Variants in ACSBG1 observed in about 807,000 individuals in gnomAD.
The protein encoded by ACSBG1 is acyl-CoA synthetase bubblegum family member 1, also known as long-chain-fatty-acid--CoA ligase ACSBG1.
Under a neutral mutation model 80.2 loss-of-function variants are expected in ACSBG1, and 39 were observed. That is an observed-to-expected ratio of 0.49 (90% CI 0.38 to 0.64). The LOEUF is 0.64. Among genes scored for constraint, ACSBG1 ranks in the 30% least tolerant of loss-of-function variants. The probability of loss-of-function intolerance (pLI) is 0.00; values close to 1 mark genes in which losing one functional copy is unlikely to be tolerated. For missense variants in ACSBG1, 828 were observed against 966.4 expected (o/e 0.86, Z 1.90); for synonymous variants, 392 against 379.5 (o/e 1.03, Z -0.38).
chr15:78,190,584 A>C (rs4886562), intron 5 of ACSBG1, among the ~76,000 whole-genome samples: 1 of 151,252 alleles, frequency 6.6e-6, no homozygotes, highest in Non-Finnish European at 1.5e-5. Flanking sequence ...AAAAAAAAAG[A>C]AAAAAGAAAG....
At chr15:78,185,963 C>T (rs1386657155) in intron 5 of ACSBG1, among the ~76,000 whole-genome samples, 1 of 151,998 alleles carries the variant, frequency 6.6e-6, no homozygotes, top group African/African-American at 2.4e-5. Context: ...CAGACAAAGA[C>T]AAGCTGAAAG....
chr15:78,203,222 C>A (rs1226438259), intron 2 of ACSBG1, among the ~76,000 whole-genome samples: 3 of 152,162 alleles, frequency 2.0e-5, no homozygotes, highest in Non-Finnish European at 4.4e-5. Context: ...AAGATCAGTG[C>A]AACCATCAGC....
chr15:78,212,826 G>A (rs1313052966), intron 1 of ACSBG1: 2 of 287,736 alleles, frequency 7.0e-6, no homozygotes, highest in South Asian at 3.0e-5. Flanking sequence ...CCTGGGGTGG[G>A]ACACCCTGCT....
rs772527054 is a variant in ACSBG1 at position 78,234,426 on chromosome 15, G to T, written c.76C>A (p.Gln26Lys). The change falls in exon 1 of 14, where the codon CAG becomes AAG. Residue 26 changes from glutamine to lysine, a missense_variant. Physicochemically the swap from Gln to Lys is moderately conservative, Grantham distance 53. This residue lies in a region of ACSBG1 where 356 missense variants were observed against 363.5 expected (regional missense o/e 0.98). Coordinates refer to ENST00000258873, the MANE Select transcript of ACSBG1 (RefSeq NM_015162.5). Reference sequence around the variant, plus strand: ...ACAATCATGTCCTGCCGGCTCTCCTGTGGGGTCTCTCTGCTGTCCAGCATG... The same window carrying T: ...ACAATCATGTCCTGCCGGCTCTCCTTTGGGGTCTCTCTGCTGTCCAGCATG... Reference protein sequence around the residue: ...PSMLDSRETPQESRQDMIVRT... With the variant: ...PSMLDSRETPKESRQDMIVRT... The T allele has an allele frequency of 6.2e-7, 1 of 1,613,118 alleles. No homozygotes were observed. The highest frequency in any genetic ancestry group is 1.1e-5 in the South Asian group (1 of 91,086).
chr15:78,194,480 G>C (rs1331257720), intron 3 of ACSBG1, 26 bp downstream of exon 3: 1 of 1,611,338 alleles, frequency 6.2e-7, no homozygotes, highest in African/African-American at 1.3e-5. Context: ...GGAGGGGCAA[G>C]GCCTTGCCAT....
intron 2 of ACSBG1, among the ~76,000 whole-genome samples, chr15:78,195,777 C>T (rs776689826): frequency 7.9e-5 from 12 of 152,114 alleles, no homozygotes; most frequent in Admixed American, 7.9e-4. Context: ...GTGGTGGTTC[C>T]ATGATGATGG....
chr15:78,187,463 A>G (rs2075015429), intron 5 of ACSBG1, among the ~76,000 whole-genome samples: 1 of 152,200 alleles, frequency 6.6e-6, no homozygotes, highest in Admixed American at 6.5e-5. Flanking sequence ...GCACATCAAA[A>G]AGCTTATCCA....
At position 78,174,790 on chromosome 15, in the gene ACSBG1, T is replaced by C. The variant is rs1233592903; in HGVS notation, c.1703-266A>G. 3 of 496,290 alleles carry C rather than the reference T, an allele frequency of 6.0e-6. No individual in the cohort carries two copies. The East Asian group carries it at 1.1e-4, about 19-fold the overall frequency. 30.7% of individuals were successfully genotyped at this position (496,290 alleles called of 1,614,324 possible). A position where few individuals can be genotyped will look rare whatever the true frequency, so the allele number is the denominator to read the frequency against. ...TCAGCCTGCTCAGACATCTCATCCA[T>C]GGCCCCCTTCTGCCAGTCCCAGTTC... On this transcript the variant is annotated intron_variant, in intron 11 of 13. Coordinates refer to ENST00000258873, the MANE Select transcript of ACSBG1 (RefSeq NM_015162.5).
rs1246233942 is a variant in ACSBG1 at position 78,168,417 on chromosome 15, A to G, written c.*3027T>C. On this transcript the variant is annotated 3_prime_UTR_variant, in exon 14 of 14. Transcript: ENST00000258873. ...GGCAGGAGAATCGCTTGAACCCAGG[A>G]GGCAGAGGTTGTGGTGAGCTGGGAT... The G allele has an allele frequency of 6.6e-6, 1 of 152,142 alleles. No individual in the cohort carries two copies. Among genetic ancestry groups the G allele is most frequent in the Non-Finnish European group, 1.5e-5 (1 of 68,048 alleles). 9.4% of individuals were successfully genotyped at this position (152,142 alleles called of 1,614,324 possible). A position where few individuals can be genotyped will look rare whatever the true frequency, so the allele number is the denominator to read the frequency against.
At position 78,207,906 on chromosome 15, in the gene ACSBG1, C is replaced by G. The variant is rs184102570; in HGVS notation, c.232+96G>C. ...TCCCCAGCTGCTCCTTCCCGCAGTT[C>G]TGTGTGGTGGTCCCCCACACCACCC... is the stretch of plus-strand genomic sequence containing the variant. On this transcript the variant is annotated intron_variant, in intron 2 of 13. Coordinates refer to ENST00000258873, the MANE Select transcript of ACSBG1 (RefSeq NM_015162.5). 1.2e-4 allele frequency: 114 copies of G among 932,286 alleles called. 1 individual carries two copies. Among genetic ancestry groups the G allele is most frequent in the South Asian group, 4.1e-4 (28 of 67,480 alleles). The allele number at this position is 932,286 out of a possible 1,614,324, so 57.8% of individuals were successfully genotyped here.
Position 78,182,632 on chromosome 15 carries a change from G to A in ACSBG1, c.745-17C>T, listed in dbSNP as rs1567081814. On this transcript the variant is annotated splice_polypyrimidine_tract_variant and intron_variant, in intron 6 of 13. Coordinates refer to ENST00000258873, the MANE Select transcript of ACSBG1 (RefSeq NM_015162.5). ...TTCCTCCATCTGTAGCCAGATGCAG[G>A]GAGCAGGCAGGCTAGGTCAGCTGGG... 1 of 1,613,842 alleles carries A rather than the reference G, an allele frequency of 6.2e-7. No homozygotes were observed.
intron 5 of ACSBG1, among the ~76,000 whole-genome samples, chr15:78,184,729 G>GAGTA (rs1167318873): frequency 6.6e-6 from 1 of 152,114 alleles, no homozygotes; most frequent in East Asian, 1.9e-4. Flanking sequence ...GATCACAAGG[G>GAGTA]AGTAACATCC....
rs1567074401 is a variant in ACSBG1 at position 78,168,795 on chromosome 15, TGAG to T, written c.*2646_*2648del. The T allele has an allele frequency of 1.5e-6, 1 of 647,610 alleles. No individual in the cohort carries two copies. The highest frequency in any genetic ancestry group is 2.8e-6 in the Non-Finnish European group (1 of 354,894). The allele number at this position is 647,610 out of a possible 1,614,324, so 40.1% of individuals were successfully genotyped here. On this transcript the variant is annotated 3_prime_UTR_variant, in exon 14 of 14. Coordinates refer to ENST00000258873, the MANE Select transcript of ACSBG1 (RefSeq NM_015162.5). Reference sequence around the variant, plus strand: ...GGTGGAGTGGTTCCTCACTTTGAAATGAGGAACTAAATGAAAGAGCAGCCGAGT... The same window carrying T: ...GGTGGAGTGGTTCCTCACTTTGAAATGAACTAAATGAAAGAGCAGCCGAGT...
At chr15:78,201,797 G>A (rs2075170857) in intron 2 of ACSBG1, among the ~76,000 whole-genome samples, 1 of 152,230 alleles carries the variant, frequency 6.6e-6, no homozygotes, top group Admixed American at 6.5e-5. Context: ...CAAATGCAAG[G>A]CAGAACGGTC....
chr15:78,227,984 T>G (rs1003433966), intron 1 of ACSBG1, among the ~76,000 whole-genome samples: 1 of 152,194 alleles, frequency 6.6e-6, no homozygotes, highest in East Asian at 1.9e-4. Flanking sequence ...GGGTGGAGAT[T>G]GATTAATTGA....
rs751306282 is a variant in ACSBG1, at chr15:78,182,549, G to A, written c.811C>T (p.Gln271Ter). The A allele has an allele frequency of 1.2e-6, 2 of 1,614,006 alleles. No homozygotes were observed. The highest frequency in any genetic ancestry group is 1.7e-5 in the Admixed American group (1 of 59,994). Residue 271 changes from glutamine (Q) to a stop codon, truncating the protein, a stop_gained, in exon 7 of 14, where the codon CAG becomes TAG. Coordinates refer to ENST00000258873, the MANE Select transcript of ACSBG1 (RefSeq NM_015162.5). LOFTEE classifies it high-confidence loss of function. ...AGCACACAGCACTGGTTGGGCTGCT[G>A]GGTGTCAATGATGGCGTCCAGGGCT... ...EEALDAIIDT[Q>*]QPNQCCVLVY...
In ACSBG1 at chr15:78,234,407, A is replaced by G; in HGVS notation, c.95T>C (p.Met32Thr). Residue 32 changes from methionine to threonine, a missense_variant, in exon 1 of 14, where the codon ATG becomes ACG. Met to Thr is a moderately conservative substitution (Grantham distance 81). This residue lies in a region of ACSBG1 where 356 missense variants were observed against 363.5 expected (regional missense o/e 0.98). Coordinates refer to ENST00000258873, the MANE Select transcript of ACSBG1 (RefSeq NM_015162.5). ...RETPQESRQD[M>T]IVRTTQEKLK... ...TTTTTCTTGGGTGGTCCTCACAATC[A>G]TGTCCTGCCGGCTCTCCTGTGGGGT... 2.5e-6 allele frequency: 4 copies of G among 1,612,900 alleles called. No homozygotes were observed. The highest frequency in any genetic ancestry group is 3.4e-6 in the Non-Finnish European group (4 of 1,180,034).
Position 78,170,765 on chromosome 15 carries a change from G to T in ACSBG1, c.*679C>A, listed in dbSNP as rs1257138602. The stretch of plus-strand genomic sequence containing the variant: ...TAATGGTCACTCGCATGCCCGCTGT[G>T]CACAGTCCTGTGAGTTAAATGCCCA... On this transcript the variant is annotated 3_prime_UTR_variant, in exon 14 of 14. Coordinates refer to ENST00000258873, the MANE Select transcript of ACSBG1 (RefSeq NM_015162.5). 1 of 152,626 alleles carries T rather than the reference G, an allele frequency of 6.6e-6. No homozygotes were observed. The highest frequency in any genetic ancestry group is 1.5e-5 in the Non-Finnish European group (1 of 68,092). 9.5% of individuals were successfully genotyped at this position (152,626 alleles called of 1,614,324 possible).
chr15:78,181,454 A>G (rs192019687), intron 8 of ACSBG1, among the ~76,000 whole-genome samples: 22 of 140,184 alleles, frequency 1.6e-4, no homozygotes, highest in African/African-American at 6.0e-4. Flanking sequence ...CCCGCGAACC[A>G]CTCTGACTCG....
Sources: gnomAD v4.1 joint callset for allele counts (sites outside exome capture counted in the v4.1 genomes callset) on GRCh38, gnomAD v4.1.1 for gene constraint, gnomAD v4.1.1 regional missense constraint, MANE v1.5 for transcripts, NCBI Gene and HGNC (gene_info 2026-07-23, HGNC 2026-07-21) for gene names.